MACF1: variants seen among roughly 807,000 people sequenced by gnomAD.
The protein encoded by MACF1 is microtubule-actin cross-linking factor 1.
MACF1 carries 193 observed loss-of-function variants against 854.8 expected under a neutral mutation model. That is an observed-to-expected ratio of 0.23 (90% CI 0.20 to 0.25). The LOEUF is 0.25. MACF1 is among the 10% of genes least tolerant of loss of function. MACF1 has a pLI of 1.00. For synonymous variants in MACF1, 3,185 were observed against 3,226.7 expected, an observed-to-expected ratio of 0.99 and a Z score of 0.44; for missense variants, 7,722 against 8,929.1, an observed-to-expected ratio of 0.86 and a Z score of 5.45.
intron 15 of MACF1, among the ~76,000 whole-genome samples, chr1:39,290,654 T>G (rs1645758928): frequency 6.8e-6 from 1 of 147,452 alleles, no homozygotes; most frequent in Non-Finnish European, 1.5e-5. Flanking sequence ...CGTTTTTCAT[T>G]GTTGATGTAA....
chr1:39,215,939 C>T (rs926345102), intron 1 of MACF1, among the ~76,000 whole-genome samples: 7 of 152,028 alleles, frequency 4.6e-5, no homozygotes, highest in Non-Finnish European at 8.8e-5. Context: ...GGTCAGGGAC[C>T]TAAATAAGAG....
chr1:39,268,525 C>T (rs908456366), intron 6 of MACF1: 69 of 1,147,270 alleles, frequency 6.0e-5, no homozygotes, highest in Non-Finnish European at 7.4e-5. Flanking sequence ...GAATCGGCAG[C>T]GGCTGGAAGA....
At chr1:39,307,317 T>C (rs189970223) in intron 23 of MACF1, among the ~76,000 whole-genome samples, 1 of 152,180 alleles carries the variant, frequency 6.6e-6, no homozygotes, top group African/African-American at 2.4e-5. Context: ...ACTCATCTTT[T>C]GTCATAAGCA....
chr1:39,301,100 A>G (rs918368207), intron 22 of MACF1, among the ~76,000 whole-genome samples: 1 of 152,130 alleles, frequency 6.6e-6, no homozygotes, highest in Non-Finnish European at 1.5e-5. Flanking sequence ...TACCACCAGC[A>G]TGTTCTTTTT....
chr1:39,347,194 A>G lies in MACF1; in HGVS notation c.10799A>G (p.Gln3600Arg). ...CAGGGCCATCTTCAACAAATGGAGC[A>G]GGAAGCCCTGGTGAAGGTCAGACTG... ...ALQGHLQQME[Q>R]EALVKTLQKQ... is the part of the protein sequence containing the mutation. The change falls in exon 41 of 101, where the codon CAG becomes CGG. Residue 3600 changes from glutamine to arginine, a missense_variant. Physicochemically the swap from Gln to Arg is conservative, Grantham distance 43. Transcript: ENST00000564288. 1 of 1,613,516 alleles carries G rather than the reference A, an allele frequency of 6.2e-7. No individual in the cohort carries two copies. Among genetic ancestry groups the G allele is most frequent in the Non-Finnish European group, 8.5e-7 (1 of 1,179,604 alleles).
intron 2 of MACF1, among the ~76,000 whole-genome samples, chr1:39,120,759 G>C (rs1242240133): frequency 6.6e-6 from 1 of 151,856 alleles, no homozygotes. Context: ...TTTGATACAG[G>C]CATGCAATGT....
At chr1:39,114,130 C>T (rs1279504356) in intron 2 of MACF1, among the ~76,000 whole-genome samples, 1 of 151,648 alleles carries the variant, frequency 6.6e-6, no homozygotes, top group East Asian at 1.9e-4. Flanking sequence ...CCTACACACC[C>T]CCACCCAACA....
At position 39,283,319 on chromosome 1, in the gene MACF1, G is replaced by C. The variant is rs773142377; in HGVS notation, c.808+18G>C. On this transcript the variant is annotated intron_variant, in intron 8 of 100. Transcript: ENST00000564288. The surrounding 1 kb of genome is among the most constrained non-coding windows in gnomAD (Gnocchi z 4.5). ...TGCAGAAGGTGAGAGGGAGTTTACT[G>C]AACTTGAGTAAGGAACACGTATTCA... The C allele has an allele frequency of 2.9e-5, 46 of 1,597,206 alleles. No homozygotes were observed. Among genetic ancestry groups the C allele is most frequent in the Non-Finnish European group, 3.8e-5 (44 of 1,164,720 alleles).
At chr1:39,310,702 T>G in intron 25 of MACF1, 129 bp from the exon 26 acceptor site, 1 of 964,108 alleles carries the variant, frequency 1.0e-6, no homozygotes, top group Non-Finnish European at 1.5e-6. Context: ...ATACAGTATG[T>G]GAAATTTAGG....
At chr1:39,300,555 C>A (rs2148415082) in intron 22 of MACF1, among the ~76,000 whole-genome samples, 193 bp downstream of exon 22, 1 of 152,066 alleles carries the variant, frequency 6.6e-6, no homozygotes, top group South Asian at 2.1e-4. Flanking sequence ...TCTTGACCTG[C>A]TCCCTGCCTC....
chr1:39,469,447 A>G, intron 96 of MACF1, 100 bp from the exon 97 acceptor site: 1 of 826,682 alleles, frequency 1.2e-6, no homozygotes, highest in Middle Eastern at 2.3e-4. Flanking sequence ...ATGTGGGTGC[A>G]CAGGAGGCTC....
At chr1:39,461,392 T>C (rs1283706417) in intron 92 of MACF1, among the ~76,000 whole-genome samples, 5 of 152,210 alleles carry the variant, frequency 3.3e-5, no homozygotes, top group Non-Finnish European at 5.9e-5. Context: ...ATATTTGAAA[T>C]GGGGAATATT....
intron 1 of MACF1, among the ~76,000 whole-genome samples, chr1:39,208,163 A>AG (rs1425278191): frequency 6.3e-5 from 6 of 94,528 alleles, no homozygotes; most frequent in Admixed American, 4.9e-4. Flanking sequence ...GAAATATAAA[A>AG]GGGTTTTTTT....
chr1:39,179,008 T>C (rs1330755440), intron 2 of MACF1, among the ~76,000 whole-genome samples: 2 of 152,198 alleles, frequency 1.3e-5, no homozygotes, highest in African/African-American at 4.8e-5. Flanking sequence ...AGTGAACTTA[T>C]GGAGAATGAT....
At position 39,437,811 on chromosome 1, in the gene MACF1, T is replaced by C; in HGVS notation, c.18023T>C (p.Leu6008Pro). Residue 6008 changes from leucine (L) to proline (P), a missense_variant, in exon 71 of 101, where the codon CTG becomes CCG. By Grantham distance (98) the Leu-to-Pro change is moderately conservative. Coordinates refer to ENST00000564288, the MANE Select transcript of MACF1 (RefSeq NM_001394062.1). Reference sequence around the variant, plus strand: ...AAAATTGAGCCTATGTTGGAGACACTGGAGAATCTTTCCTCTCGCCTGCGT... The same window carrying C: ...AAAATTGAGCCTATGTTGGAGACACCGGAGAATCTTTCCTCTCGCCTGCGT... ...HDKIEPMLET[L>P]ENLSSRLRMP... is the part of the protein sequence containing the mutation. 1 of 1,614,134 alleles carries C rather than the reference T, an allele frequency of 6.2e-7. No homozygotes were observed. Among genetic ancestry groups the C allele is most frequent in the Non-Finnish European group, 8.5e-7 (1 of 1,179,974 alleles).
chr1:39,443,365 A>G, intron 78 of MACF1, 81 bp from the exon 79 acceptor site: 4 of 1,457,398 alleles, frequency 2.7e-6, no homozygotes, highest in Non-Finnish European at 3.7e-6. Context: ...CTCAAGATAA[A>G]CTCCTCATAT....
chr1:39,300,337 C>T lies in MACF1; in HGVS notation c.2609C>T (p.Ala870Val). The change falls in exon 22 of 101, where the codon GCT (alanine) becomes GTT (valine). Residue 870 changes from alanine to valine, a missense_variant. Around this residue, in one of 15 missense-constraint regions of MACF1, gnomAD observed 1,137 missense variants for 1,263.0 expected, o/e 0.90. Transcript: ENST00000564288. ...TTAAAGAACACCATTTCTGTCAAGG[C>T]TGTCTGTGACTACAGGCAGATCGAG... is the stretch of plus-strand genomic sequence containing the variant. Reference protein sequence around the residue: ...HVLKNTISVKAVCDYRQIEIT... With the variant: ...HVLKNTISVKVVCDYRQIEIT... 1 of 1,613,924 alleles carries T rather than the reference C, an allele frequency of 6.2e-7. No homozygotes were observed. Among genetic ancestry groups the T allele is most frequent in the Non-Finnish European group, 8.5e-7 (1 of 1,179,970 alleles).
intron 2 of MACF1, among the ~76,000 whole-genome samples, chr1:39,173,279 G>C (rs754055835): frequency 1.3e-4 from 19 of 149,496 alleles, no homozygotes; most frequent in Non-Finnish European, 2.2e-4. Flanking sequence ...GGCGGAGGTT[G>C]CGGTGACCAG....
At chr1:39,163,000 T>C (rs1643832269) in intron 2 of MACF1, among the ~76,000 whole-genome samples, 1 of 152,150 alleles carries the variant, frequency 6.6e-6, no homozygotes, top group Admixed American at 6.5e-5. Context: ...CTGCATACTT[T>C]TATTTAAGCA....
Sources: allele counts gnomAD v4.1 joint callset (sites outside exome capture counted in the v4.1 genomes callset), GRCh38; gene constraint gnomAD v4.1.1; regional missense constraint gnomAD v4.1.1; non-coding constraint Gnocchi (gnomAD v3.1); transcripts MANE v1.5; gene names NCBI Gene and HGNC (gene_info 2026-07-23, HGNC 2026-07-21).